Variants in TMEM9 observed in about 807,000 individuals in gnomAD.
The protein encoded by TMEM9 is proton-transporting V-type ATPase complex assembly regulator TMEM9.
TMEM9 carries 13 observed loss-of-function variants against 22.8 expected under a neutral mutation model. The ratio of observed to expected loss-of-function variants is 0.57; its 90% confidence interval spans 0.37 to 0.91. The LOEUF is 0.91. Ranked by LOEUF, TMEM9 falls within the 40% of genes least tolerant of loss-of-function variation. The pLI, the probability that TMEM9 is intolerant of heterozygous loss-of-function variation, is 0.01. For synonymous variants in TMEM9, 88 were observed against 93.0 expected (o/e 0.95, Z 0.31); for missense variants, 182 against 238.1 (o/e 0.76, Z 1.55).
chr1:201,168,167 A>C (rs1400349220), intron 1 of TMEM9, among the ~76,000 whole-genome samples: 2 of 152,206 alleles, frequency 1.3e-5, no homozygotes, highest in African/African-American at 2.4e-5. Context: ...ATTCTATTGC[A>C]GCTGGACATT....
chr1:201,143,705 G>C (rs1572108812), intron 4 of TMEM9, 115 bp downstream of exon 4: 1 of 1,046,984 alleles, frequency 9.6e-7, no homozygotes, highest in Non-Finnish European at 1.4e-6. Context: ...GACCAGAAGA[G>C]CAACTTGAAG....
At chr1:201,142,135 G>A (rs769475349) in intron 4 of TMEM9, among the ~76,000 whole-genome samples, 1 of 152,202 alleles carries the variant, frequency 6.6e-6, no homozygotes, top group Non-Finnish European at 1.5e-5. Context: ...CCAGGCCCTA[G>A]CTCCAATGGG....
chr1:201,146,540 G>A, intron 3 of TMEM9, 200 bp downstream of exon 3: 1 of 678,366 alleles, frequency 1.5e-6, no homozygotes. Context: ...GGTAACTACT[G>A]GAAAGAGAGC....
intron 1 of TMEM9, among the ~76,000 whole-genome samples, chr1:201,160,763 C>T (rs1467051837): frequency 2.0e-5 from 3 of 151,748 alleles, no homozygotes; most frequent in Non-Finnish European, 4.4e-5. Flanking sequence ...GGTGAAACCC[C>T]ATCTCTACTA....
chr1:201,164,721 G>A (rs1017771027), intron 1 of TMEM9, among the ~76,000 whole-genome samples: 2 of 152,116 alleles, frequency 1.3e-5, no homozygotes, highest in Non-Finnish European at 2.9e-5. Flanking sequence ...CTCTGGGAAC[G>A]TGCTTTATTC....
At chr1:201,140,927 T>G (rs1005602778) in intron 4 of TMEM9, among the ~76,000 whole-genome samples, 1 of 152,052 alleles carries the variant, frequency 6.6e-6, no homozygotes, top group Non-Finnish European at 1.5e-5. Context: ...CTCTGTGCAC[T>G]GAGAGGGGCA....
Position 201,135,677 on chromosome 1 carries a change from T to C in TMEM9, c.538A>G (p.Lys180Glu), listed in dbSNP as rs1663923361. Residue 180 changes from lysine (K) to glutamate (E), a missense_variant, in exon 5 of 5, where the codon AAG becomes GAG. Lys to Glu is a moderately conservative substitution (Grantham distance 56, BLOSUM62 1). Transcript: ENST00000367330. ...EQRKTVFDRHKMLS is the reference protein window; with the variant it reads ...EQRKTVFDRHEMLS ...CACCAGCCCATCTAGCTGAGCATCTTGTGCCGATCGAAGACTGTCTTCCGC... is the reference window on the plus strand; with the variant it reads ...CACCAGCCCATCTAGCTGAGCATCTCGTGCCGATCGAAGACTGTCTTCCGC... The C allele has an allele frequency of 1.9e-6, 3 of 1,612,210 alleles. No homozygotes were observed. The highest frequency in any genetic ancestry group is 2.2e-5 in the East Asian group (1 of 44,786).
intron 2 of TMEM9, among the ~76,000 whole-genome samples, chr1:201,150,624 T>C (rs1025348468): frequency 1.5e-4 from 23 of 152,304 alleles, no homozygotes; most frequent in African/African-American, 4.3e-4. Flanking sequence ...TCTATCTAAC[T>C]AGACTGCCTC....
Position 201,135,486 on chromosome 1 carries a change from C to T in TMEM9, c.*177G>A, listed in dbSNP as rs1018972612. The stretch of plus-strand genomic sequence containing the variant: ...AGAGATCAGAGACCACATCCCTCTT[C>T]CCTAATCAAAATAGCCAAGTACAAC... On this transcript the variant is annotated 3_prime_UTR_variant, in exon 5 of 5. Coordinates refer to ENST00000367330, the MANE Select transcript of TMEM9 (RefSeq NM_001288565.2). 8.1e-6 allele frequency: 5 copies of T among 617,688 alleles called. No individual in the cohort carries two copies. The South Asian group carries it at 8.4e-5, about 10-fold the overall frequency. 38.3% of individuals were successfully genotyped at this position (617,688 alleles called of 1,614,324 possible). A position where few individuals can be genotyped will look rare whatever the true frequency, so the allele number is the denominator to read the frequency against.
At chr1:201,161,583 T>C (rs1054552057) in intron 1 of TMEM9, among the ~76,000 whole-genome samples, 1 of 152,222 alleles carries the variant, frequency 6.6e-6, no homozygotes, top group African/African-American at 2.4e-5. Flanking sequence ...ATAAATTAGT[T>C]CGGGGAACCT....
At chr1:201,149,617 C>A (rs1196569566) in intron 2 of TMEM9, among the ~76,000 whole-genome samples, 2 of 152,182 alleles carry the variant, frequency 1.3e-5, no homozygotes, top group Non-Finnish European at 2.9e-5. Context: ...AACACAGGAA[C>A]ATACATGGCT....
In TMEM9 at chr1:201,153,849, C is replaced by T; in HGVS notation, c.66+9G>A. ...TCGTGACCAGGTGCTGCAGGCTCAC[C>T]TCCCTCACCTTGTTGGCTTCAGCTG... is the stretch of plus-strand genomic sequence containing the variant. On this transcript the variant is annotated intron_variant, in intron 1 of 4. Coordinates refer to ENST00000367330, the MANE Select transcript of TMEM9 (RefSeq NM_001288565.2). 1.9e-6 allele frequency: 3 copies of T among 1,614,172 alleles called. No homozygotes were observed. Among genetic ancestry groups the T allele is most frequent in the Non-Finnish European group, 2.5e-6 (3 of 1,180,004 alleles).
intron 1 of TMEM9, among the ~76,000 whole-genome samples, chr1:201,165,149 A>ATT (rs199792734): frequency 0.071 from 2,438 of 34,534 alleles, 68 homozygotes; most frequent in East Asian, 0.086. Flanking sequence ...TTAAGAGAAA[A>ATT]TTATATATAT....
intron 1 of TMEM9, among the ~76,000 whole-genome samples, chr1:201,167,513 C>T (rs1013137286): frequency 6.6e-5 from 10 of 152,144 alleles, no homozygotes; most frequent in African/African-American, 9.7e-5. Context: ...ACAACAGTGA[C>T]GTTATCTGCA....
chr1:201,165,021 ATTGT>A (rs1316878544), intron 1 of TMEM9, among the ~76,000 whole-genome samples: 3 of 151,736 alleles, frequency 2.0e-5, no homozygotes, highest in Non-Finnish European at 4.4e-5. Context: ...GAAAAAACAG[ATTGT>A]TTGCTTGTTT....
chr1:201,152,162 GTGTGT>G, intron 1 of TMEM9, among the ~76,000 whole-genome samples: 1 of 22,140 alleles, frequency 4.5e-5, no homozygotes, highest in African/African-American at 5.2e-4. Context: ...GGGGAAATGG[GTGTGT>G]GTGTGTGTGT....
At chr1:201,157,615 T>A (rs1327642672), upstream of TMEM9, among the ~76,000 whole-genome samples, 1 of 152,206 alleles carries the variant, frequency 6.6e-6, no homozygotes, top group African/African-American at 2.4e-5. Context: ...CCTTCAAAAA[T>A]TTTTTGAGCA....
upstream of TMEM9, among the ~76,000 whole-genome samples, chr1:201,155,827 G>T (rs939614700): frequency 6.6e-6 from 1 of 152,146 alleles, no homozygotes; most frequent in Non-Finnish European, 1.5e-5. Flanking sequence ...AATTTTCAAG[G>T]TGGTTGTAGG....
At chr1:201,142,902 T>G (rs1664652988) in intron 4 of TMEM9, among the ~76,000 whole-genome samples, 1 of 152,242 alleles carries the variant, frequency 6.6e-6, no homozygotes, top group Non-Finnish European at 1.5e-5. Context: ...CTAGACCACC[T>G]GGGGAGTGCA....
Sources: allele counts gnomAD v4.1 joint callset (sites outside exome capture counted in the v4.1 genomes callset), GRCh38; gene constraint gnomAD v4.1.1; transcripts MANE v1.5; gene names NCBI Gene and HGNC (gene_info 2026-07-23, HGNC 2026-07-21).